SLC9A7: variants seen among roughly 807,000 people sequenced by gnomAD.
SLC9A7 encodes sodium/hydrogen exchanger 7.
Under a neutral mutation model 52.6 loss-of-function variants are expected in SLC9A7, and 19 were observed. That is an observed-to-expected ratio of 0.36 (90% CI 0.25 to 0.53). SLC9A7 has a LOEUF of 0.53. Ranked by LOEUF, SLC9A7 falls within the 20% of genes least tolerant of loss-of-function variation. The pLI is 0.91. For missense variants in SLC9A7, 455 were observed against 597.9 expected, an observed-to-expected ratio of 0.76 and a Z score of 2.49; for synonymous variants, 226 against 252.1, an observed-to-expected ratio of 0.90 and a Z score of 0.98.
At chrX:46,709,444 G>A (rs754823740) in intron 1 of SLC9A7, among the ~76,000 whole-genome samples, 23 of 110,585 alleles carry the variant, frequency 2.1e-4, no homozygotes, top group Admixed American at 1.9e-3. Context: ...AAATTTAAAG[G>A]TACTAAGCTA....
intron 14 of SLC9A7, among the ~76,000 whole-genome samples, chrX:46,629,200 C>T (rs1305120336): frequency 5.4e-5 from 6 of 111,484 alleles, no homozygotes; most frequent in Non-Finnish European, 9.4e-5. Context: ...GAGTGCAGCG[C>T]GAGTGGCTGC....
At chrX:46,630,447 A>G (rs987721379) in intron 14 of SLC9A7, among the ~76,000 whole-genome samples, 3 of 112,295 alleles carry the variant, frequency 2.7e-5, no homozygotes, top group Non-Finnish European at 5.6e-5. Context: ...CATCCACCCA[A>G]CAAACACCTA....
intron 3 of SLC9A7, among the ~76,000 whole-genome samples, chrX:46,675,277 T>C (rs778933774): frequency 1.8e-5 from 2 of 111,246 alleles, no homozygotes; most frequent in Admixed American, 9.6e-5. Flanking sequence ...AGCTATATGA[T>C]GTGAATAGGC....
At chrX:46,722,492 T>C (rs1197763955) in intron 1 of SLC9A7, among the ~76,000 whole-genome samples, 1 of 112,394 alleles carries the variant, frequency 8.9e-6, no homozygotes, top group Non-Finnish European at 1.9e-5. Flanking sequence ...AATACCTTAG[T>C]TACCTGAATT....
chrX:46,641,643 C>T (rs889845790), intron 12 of SLC9A7, among the ~76,000 whole-genome samples: 1 of 112,063 alleles, frequency 8.9e-6, no homozygotes, highest in East Asian at 2.8e-4. Flanking sequence ...AAGATGGATT[C>T]TTTTCCTTAA....
At chrX:46,719,626 T>C (rs1944828307) in intron 1 of SLC9A7, among the ~76,000 whole-genome samples, 1 of 111,647 alleles carries the variant, frequency 9.0e-6, no homozygotes, top group Non-Finnish European at 1.9e-5. Context: ...AAGAACAAAA[T>C]AGAAAACACT....
At position 46,723,221 on chromosome X, in the gene SLC9A7, G is replaced by A. The variant is rs764604159; in HGVS notation, c.325+35484C>T. 2.9e-5 allele frequency among the ~76,000 whole-genome samples: 3 copies of A among 104,068 alleles called. No homozygotes were observed. The South Asian group carries it at 1.4e-3, about 48-fold the overall frequency. The allele number at this position is 104,068 out of a possible 115,157, so 90.4% of individuals were successfully genotyped here. Reference sequence around the variant, plus strand: ...GTAATATAAGGCTCATCTTCAAAAAGGAATGATTTGCTCCCTTTGCCATGA... The same window carrying A: ...GTAATATAAGGCTCATCTTCAAAAAAGAATGATTTGCTCCCTTTGCCATGA... On this transcript the variant is annotated intron_variant, in intron 1 of 16. Transcript: ENST00000616978.
At chrX:46,694,882 A>G (rs1434991159) in intron 1 of SLC9A7, among the ~76,000 whole-genome samples, 3 of 112,519 alleles carry the variant, frequency 2.7e-5, no homozygotes, top group Non-Finnish European at 3.8e-5. Context: ...CTATCCATAC[A>G]GTAGAAAAAG....
intron 1 of SLC9A7, among the ~76,000 whole-genome samples, chrX:46,755,588 T>A (rs1252716310): frequency 3.6e-5 from 4 of 110,637 alleles, no homozygotes; most frequent in Non-Finnish European, 7.6e-5. Context: ...CCCAGCACTT[T>A]GGGAGGCTGA....
intron 1 of SLC9A7, among the ~76,000 whole-genome samples, chrX:46,735,826 T>C (rs1945113056): frequency 9.0e-6 from 1 of 111,667 alleles, no homozygotes; most frequent in African/African-American, 3.3e-5. Context: ...GTATGGTCTT[T>C]TACTGAAAAG....
Position 46,744,762 on chromosome X carries a change from A to T in SLC9A7, c.325+13943T>A, listed in dbSNP as rs189191043. On this transcript the variant is annotated intron_variant, in intron 1 of 16. Coordinates refer to ENST00000616978, the MANE Select transcript of SLC9A7 (RefSeq NM_001257291.2). ...AAGATATACAGAATCTTAATTTTTT[A>T]AAAATACCGTGTTTGGTAAAGAGCA... is the stretch of plus-strand genomic sequence containing the variant. 6.5e-3 allele frequency among the ~76,000 whole-genome samples: 726 copies of T among 111,960 alleles called. 5 individuals carry two copies. Among genetic ancestry groups the T allele is most frequent in the African/African-American group, 0.021 (655 of 30,867 alleles).
In SLC9A7 at chrX:46,602,649, C is replaced by A. The variant is rs1435142910; in HGVS notation, c.*4303G>T. On this transcript the variant is annotated 3_prime_UTR_variant, in exon 17 of 17. Coordinates refer to ENST00000616978, the MANE Select transcript of SLC9A7 (RefSeq NM_001257291.2). ...AGAACATCGGACTCGGCTGAACTGT[C>A]GTCCCCACCAACCCAGAACAAATAC... is the stretch of plus-strand genomic sequence containing the variant. 1 of 112,670 alleles carries A rather than the reference C, an allele frequency of 8.9e-6. No homozygotes were observed. Among genetic ancestry groups the A allele is most frequent in the Non-Finnish European group, 1.9e-5 (1 of 53,339 alleles). The allele number at this position is 112,670 out of a possible 1,213,427, so 9.3% of individuals were successfully genotyped here.
At chrX:46,704,773 T>C (rs973589269) in intron 1 of SLC9A7, among the ~76,000 whole-genome samples, 2 of 111,103 alleles carry the variant, frequency 1.8e-5, no homozygotes, top group African/African-American at 6.6e-5. Flanking sequence ...GGAGGGAAGG[T>C]CTCTGTGCTG....
intron 14 of SLC9A7, among the ~76,000 whole-genome samples, chrX:46,625,243 A>G (rs1424157192): frequency 1.5e-5 from 1 of 66,729 alleles, no homozygotes; most frequent in African/African-American, 1.0e-4. Context: ...AGAACAGCTT[A>G]CTTTTTTTTT....
intron 1 of SLC9A7, among the ~76,000 whole-genome samples, chrX:46,722,451 T>TCATGTACAAGTTGTA (rs1405290198): frequency 8.9e-6 from 1 of 112,135 alleles, no homozygotes; most frequent in Non-Finnish European, 1.9e-5. Context: ...ATAGTTGAGT[T>TCATGTACAAGTTGTA]CTTCATGTAC....
At chrX:46,753,702 G>A (rs1472847364) in intron 1 of SLC9A7, among the ~76,000 whole-genome samples, 7 of 111,768 alleles carry the variant, frequency 6.3e-5, no homozygotes, top group African/African-American at 2.3e-4. Context: ...AGTAGGTGTG[G>A]GCCGGGCACG....
At chrX:46,699,372 T>A (rs17147394) in intron 1 of SLC9A7, among the ~76,000 whole-genome samples, 1 of 111,751 alleles carries the variant, frequency 8.9e-6, no homozygotes, top group East Asian at 2.8e-4. Context: ...CTTCTTCTGA[T>A]AGTCTTTGCA....
chrX:46,683,065 C>T (rs5905556), intron 1 of SLC9A7, among the ~76,000 whole-genome samples: 23,443 of 103,899 alleles, frequency 0.23, 2,442 homozygotes, highest in South Asian at 0.37. Context: ...CTGGCTTCAG[C>T]TTCCCAAAGT....
chrX:46,716,334 TAA>T (rs1478871669), intron 1 of SLC9A7, among the ~76,000 whole-genome samples: 1 of 112,044 alleles, frequency 8.9e-6, no homozygotes, highest in Non-Finnish European at 1.9e-5. Context: ...GTTTCTTTAT[TAA>T]AAAGAGAAGA....
Sources: allele counts gnomAD v4.1 joint callset (sites outside exome capture counted in the v4.1 genomes callset), GRCh38; gene constraint gnomAD v4.1.1; transcripts MANE v1.5; gene names NCBI Gene and HGNC (gene_info 2026-07-23, HGNC 2026-07-21).